Variants in AUTS2 observed in about 807,000 individuals in gnomAD.
AUTS2 encodes the protein autism susceptibility gene 2 protein.
Under a neutral mutation model 112.4 loss-of-function variants are expected in AUTS2, and 17 were observed. The ratio of observed to expected loss-of-function variants is 0.15; its 90% CI spans 0.10 to 0.23. The LOEUF (loss-of-function observed/expected upper bound fraction) is 0.23, where lower values mean the gene tolerates loss of function less well. Ranked by LOEUF, AUTS2 falls within the 10% of genes least tolerant of loss-of-function variation. The pLI is 1.00. For missense variants in AUTS2, 1,510 were observed against 1,701.6 expected, an observed-to-expected ratio of 0.89 and a Z score of 1.98; for synonymous variants, 751 against 702.7, an observed-to-expected ratio of 1.07 and a Z score of -1.09.
rs61206981 is a variant in AUTS2, at chr7:69,938,831, G to C, written c.522+39333G>C. Among the ~76,000 whole-genome samples the C allele has an allele frequency of 9.3e-3, 1,415 of 152,322 alleles. 26 individuals are homozygous for C. The highest frequency in any genetic ancestry group is 0.033 in the African/African-American group (1,360 of 41,570). On this transcript the variant is annotated intron_variant, in intron 2 of 18. Coordinates refer to ENST00000342771, the MANE Select transcript of AUTS2 (RefSeq NM_015570.4). ...TTGAGTAGGTGAGTAAGACAGAAAT[G>C]TGTGAGGTGATTGGAAGGGACTGCT...
At chr7:70,735,155 AG>A (rs1787705559) in intron 6 of AUTS2, among the ~76,000 whole-genome samples, 1 of 152,204 alleles carries the variant, frequency 6.6e-6, no homozygotes, top group African/African-American at 2.4e-5. Flanking sequence ...GCTAATTCTT[AG>A]GGTAAGTGTC....
intron 2 of AUTS2, among the ~76,000 whole-genome samples, chr7:69,905,881 G>A (rs1209114703): frequency 1.3e-5 from 2 of 152,130 alleles, no homozygotes; most frequent in African/African-American, 4.8e-5. Context: ...GAAAAGAATG[G>A]GCCATAATTC....
At chr7:70,078,177 C>T (rs1435442087) in intron 2 of AUTS2, among the ~76,000 whole-genome samples, 1 of 151,874 alleles carries the variant, frequency 6.6e-6, no homozygotes, top group Non-Finnish European at 1.5e-5. Flanking sequence ...TCCAAGACAC[C>T]CAGTGGATAC....
intron 5 of AUTS2, among the ~76,000 whole-genome samples, chr7:70,627,657 G>C (rs1805020688): frequency 6.6e-6 from 1 of 152,172 alleles, no homozygotes; most frequent in African/African-American, 2.4e-5. Context: ...GTGTAGGGCT[G>C]GCGCCAGTTC....
At chr7:70,256,741 A>G (rs1786893919) in intron 4 of AUTS2, among the ~76,000 whole-genome samples, 1 of 152,060 alleles carries the variant, frequency 6.6e-6, no homozygotes, top group Non-Finnish European at 1.5e-5. Context: ...TTTTTCTGCC[A>G]GTTGGGTTCA....
At chr7:70,411,176 A>G (rs1466735551) in intron 4 of AUTS2, among the ~76,000 whole-genome samples, 1 of 152,064 alleles carries the variant, frequency 6.6e-6, no homozygotes, top group Non-Finnish European at 1.5e-5. Context: ...GAAATCAATT[A>G]TTTTTAATTA....
chr7:70,646,654 C>A (rs1345762794), intron 5 of AUTS2, among the ~76,000 whole-genome samples: 1 of 152,266 alleles, frequency 6.6e-6, no homozygotes, highest in Non-Finnish European at 1.5e-5. Flanking sequence ...CCCGGAATGA[C>A]TGAATCATTG....
Position 69,599,087 on chromosome 7 carries a change from G to A in AUTS2, c.-567G>A, listed in dbSNP as rs1792213400. 2 of 152,172 alleles carry A rather than the reference G, an allele frequency of 1.3e-5. No homozygotes were observed. Among genetic ancestry groups the A allele is most frequent in the East Asian group, 3.9e-4 (2 of 5,122 alleles). The allele number at this position is 152,172 out of a possible 1,614,324, so 9.4% of individuals were successfully genotyped here. The stretch of plus-strand genomic sequence containing the variant: ...TTTCTCCGAGGCGTGTGTGAGAGGC[G>A]GCGGGGGTGTTTTCCTGCGCGAGGG... On this transcript the variant is annotated 5_prime_UTR_variant, in exon 1 of 19. Coordinates refer to ENST00000342771, the MANE Select transcript of AUTS2 (RefSeq NM_015570.4). This position sits in a 1 kb window ranked among gnomAD's most constrained non-coding sequence, Gnocchi z 7.0.
intron 1 of AUTS2, among the ~76,000 whole-genome samples, chr7:69,754,825 A>G (rs886373531): frequency 1.3e-5 from 2 of 152,204 alleles, no homozygotes; most frequent in African/African-American, 2.4e-5. Flanking sequence ...GGTTTAGAGC[A>G]TAAGTAATTT....
At chr7:69,906,397 G>A (rs1261921216) in intron 2 of AUTS2, among the ~76,000 whole-genome samples, 1 of 152,212 alleles carries the variant, frequency 6.6e-6, no homozygotes, top group Non-Finnish European at 1.5e-5. Flanking sequence ...GAAGTGGGAG[G>A]AGATGGGTGT....
At chr7:69,921,721 C>T (rs1795822456) in intron 2 of AUTS2, among the ~76,000 whole-genome samples, 1 of 147,422 alleles carries the variant, frequency 6.8e-6, no homozygotes, top group Non-Finnish European at 1.5e-5. Flanking sequence ...GAGATCACAC[C>T]ACTGCACTGT....
intron 4 of AUTS2, among the ~76,000 whole-genome samples, chr7:70,145,396 A>T (rs936198328): frequency 1.3e-5 from 2 of 152,134 alleles, no homozygotes; most frequent in African/African-American, 4.8e-5. Flanking sequence ...ATAATTGACC[A>T]TTAAAATATA....
chr7:70,089,516 A>ACTTGTTTTGGGGTATTTAGGT (rs1404026295), intron 2 of AUTS2, among the ~76,000 whole-genome samples: 2 of 151,480 alleles, frequency 1.3e-5, no homozygotes, highest in Admixed American at 1.3e-4. Flanking sequence ...TTTTAAGAGA[A>ACTTGTTTTGGGGTATTTAGGT]CTTGTTTTGG....
chr7:70,742,890 C>G, intron 6 of AUTS2, among the ~76,000 whole-genome samples: 1 of 150,684 alleles, frequency 6.6e-6, no homozygotes, highest in East Asian at 1.9e-4. Flanking sequence ...TATCAGGAAG[C>G]CCAAACTTCT....
chr7:70,297,441 T>C (rs1488011741), intron 4 of AUTS2, among the ~76,000 whole-genome samples: 2 of 151,272 alleles, frequency 1.3e-5, no homozygotes, highest in Non-Finnish European at 3.0e-5. Context: ...TTTTTTTTTT[T>C]TTTTATCGAG....
At chr7:70,714,932 C>A (rs1283736049) in intron 6 of AUTS2, among the ~76,000 whole-genome samples, 1 of 152,190 alleles carries the variant, frequency 6.6e-6, no homozygotes, top group Non-Finnish European at 1.5e-5. Flanking sequence ...CTGATACTTG[C>A]ATTGGCATGT....
At chr7:70,153,300 T>TA (rs1331047671) in intron 4 of AUTS2, among the ~76,000 whole-genome samples, 1 of 152,066 alleles carries the variant, frequency 6.6e-6, no homozygotes, top group Non-Finnish European at 1.5e-5. Context: ...TTATCCTGAG[T>TA]AAAAAAAGAA....
At position 69,750,472 on chromosome 7, in the gene AUTS2, TTAGTAG is replaced by T. The variant is rs146638908; in HGVS notation, c.310-148789_310-148784del. 7.8e-3 allele frequency among the ~76,000 whole-genome samples: 1,148 copies of T among 148,036 alleles called. 8 individuals carry two copies. The highest frequency in any genetic ancestry group is 0.023 in the African/African-American group (940 of 40,380). On this transcript the variant is annotated intron_variant, in intron 1 of 18. Transcript: ENST00000342771. ...TTATTTGTATATAACAAATACTATG[TTAGTAG>T]TAGTAGTAGTAGTAGTAGTAGTAGC...
intron 1 of AUTS2, among the ~76,000 whole-genome samples, chr7:69,782,514 A>G (rs1483809394): frequency 2.0e-5 from 3 of 152,012 alleles, no homozygotes; most frequent in African/African-American, 7.2e-5. Context: ...GCTACAGTCA[A>G]TTTTCAAATT....
Sources: allele counts gnomAD v4.1 joint callset (sites outside exome capture counted in the v4.1 genomes callset), GRCh38; gene constraint gnomAD v4.1.1; non-coding constraint Gnocchi (gnomAD v3.1); transcripts MANE v1.5; gene names NCBI Gene and HGNC (gene_info 2026-07-23, HGNC 2026-07-21).